TPO: variants seen among roughly 807,000 people sequenced by gnomAD.
TPO encodes the protein thyroid microsomal antigen.
In TPO, 78 loss-of-function variants were observed where a neutral mutation model predicts 96.9. That is an observed-to-expected ratio of 0.81 (90% CI 0.67 to 0.97). The LOEUF (loss-of-function observed/expected upper bound fraction) is 0.97. Ranked by LOEUF, TPO falls within the 50% of genes least tolerant of loss-of-function variation. The probability of loss-of-function intolerance (pLI) is 0.00; values close to 1 mark genes in which losing one functional copy is unlikely to be tolerated. For synonymous variants in TPO, 547 were observed against 538.0 expected (o/e 1.02, Z -0.23); for missense variants, 1,252 against 1,274.8 (o/e 0.98, Z 0.27).
intron 15 of TPO, among the ~76,000 whole-genome samples, chr2:1,523,540 AGCAACCTCCCCAAATCCCCACCACTCTGT>A (rs1558402621): frequency 0.015 from 237 of 15,940 alleles, no homozygotes; most frequent in African/African-American, 0.05. Flanking sequence ...CCCCACTCTG[AGCAACCTCCCCAAATCCCCACCACTCTGT>A]GCAACCTCCC....
intron 7 of TPO, among the ~76,000 whole-genome samples, 159 bp from the exon 8 acceptor site, chr2:1,476,927 G>A (rs956161677): frequency 2.0e-5 from 3 of 152,140 alleles, no homozygotes; most frequent in Non-Finnish European, 2.9e-5. Context: ...AGCAGGCCGG[G>A]GGGGGAGGTG....
intron 3 of TPO, among the ~76,000 whole-genome samples, chr2:1,432,385 A>G (rs1665066662): frequency 6.6e-6 from 1 of 152,234 alleles, no homozygotes; most frequent in African/African-American, 2.4e-5. Context: ...TAGGCAAGCC[A>G]GTTGTGAAAC....
chr2:1,518,015 A>G (rs28913020), intron 15 of TPO, among the ~76,000 whole-genome samples: 66,542 of 151,274 alleles, frequency 0.44, 14,808 homozygotes, highest in Admixed American at 0.47. Flanking sequence ...CCCTGCAGTC[A>G]CCTTCGCCCT....
intron 3 of TPO, among the ~76,000 whole-genome samples, chr2:1,428,155 G>A (rs1273596329): frequency 1.3e-5 from 2 of 152,188 alleles, no homozygotes; most frequent in African/African-American, 4.8e-5. Context: ...GCCTGAAAGT[G>A]TCACCTATTA....
chr2:1,523,855 T>A (rs62107997), intron 15 of TPO, among the ~76,000 whole-genome samples: 45,200 of 83,858 alleles, frequency 0.54, 11,245 homozygotes, highest in Admixed American at 0.59. Flanking sequence ...CAACTGTGTG[T>A]GAGCTCCCCA....
intron 16 of TPO, 173 bp from the exon 17 acceptor site, chr2:1,542,248 C>T (rs1486602942): frequency 2.3e-5 from 20 of 879,718 alleles, no homozygotes; most frequent in South Asian, 3.2e-5. Context: ...AGCATTTGTC[C>T]GGAAGCCAGA....
intron 5 of TPO, among the ~76,000 whole-genome samples, chr2:1,439,604 A>T (rs1665946063): frequency 6.6e-6 from 1 of 152,074 alleles, no homozygotes; most frequent in East Asian, 1.9e-4. Flanking sequence ...CATCTTCCAC[A>T]AAACCTCTCC....
chr2:1,442,950 T>A (rs1372652441), intron 5 of TPO, among the ~76,000 whole-genome samples: 2 of 152,250 alleles, frequency 1.3e-5, no homozygotes, highest in Non-Finnish European at 2.9e-5. Flanking sequence ...ATTGCATTAT[T>A]TCTTGCTGGG....
Position 1,542,405 on chromosome 2 carries a change from T to G in TPO, c.2749-16T>G. ...AGAATTCAGACGTTATTAATGTTTGTTCTGCATTTTTGCAGGAGAGTGCTG... is the reference window on the plus strand; with the variant it reads ...AGAATTCAGACGTTATTAATGTTTGGTCTGCATTTTTGCAGGAGAGTGCTG... On this transcript the variant is annotated splice_polypyrimidine_tract_variant and intron_variant, in intron 16 of 16. Transcript: ENST00000329066. 1.2e-6 allele frequency: 2 copies of G among 1,614,146 alleles called. No homozygotes were observed. The highest frequency in any genetic ancestry group is 1.7e-6 in the Non-Finnish European group (2 of 1,180,012).
At chr2:1,444,428 A>C (rs1450397269) in intron 5 of TPO, among the ~76,000 whole-genome samples, 3 of 146,438 alleles carry the variant, frequency 2.0e-5, no homozygotes, top group Admixed American at 1.4e-4. Context: ...CCATGTTGGA[A>C]GGGAATGGAG....
At chr2:1,542,281 C>G in intron 16 of TPO, 140 bp from the exon 17 acceptor site, 3 of 1,182,296 alleles carry the variant, frequency 2.5e-6, no homozygotes, top group Non-Finnish European at 2.4e-6. Flanking sequence ...GCATGACAAG[C>G]AAGAAGGATG....
intron 3 of TPO, among the ~76,000 whole-genome samples, chr2:1,427,107 T>C (rs765320232): frequency 1.4e-4 from 21 of 152,212 alleles, no homozygotes; most frequent in Non-Finnish European, 2.6e-4. Context: ...GCCAGAGTTT[T>C]AGTGTTTACG....
At chr2:1,433,941 C>G (rs1330982201) in intron 4 of TPO, among the ~76,000 whole-genome samples, 1 of 152,126 alleles carries the variant, frequency 6.6e-6, no homozygotes, top group East Asian at 1.9e-4. Context: ...TTGGCAAGCT[C>G]ATTCATAAAA....
chr2:1,534,662 TA>T (rs1558433607), intron 15 of TPO, among the ~76,000 whole-genome samples: 37 of 130,124 alleles, frequency 2.8e-4, no homozygotes, highest in Non-Finnish European at 4.1e-4. Context: ...TGTCCCCAAA[TA>T]CCCCCCCCAC....
In TPO at chr2:1,453,758, G is replaced by A. The variant is rs752960959; in HGVS notation, c.547G>A (p.Asp183Asn). 12 of 1,613,792 alleles carry A rather than the reference G, an allele frequency of 7.4e-6. No homozygotes were observed. The highest frequency in any genetic ancestry group is 9.3e-6 in the Non-Finnish European group (11 of 1,180,036). ...ACGATGGCTCCCTCCAGTCTATGAG[G>A]ACGGCTTCAGTCAGCCCCGAGGCTG... ...LARWLPPVYE[D>N]GFSQPRGWNP... Residue 183 changes from aspartate (D) to asparagine (N), a missense_variant, in exon 6 of 17, where the codon GAC (aspartate) becomes AAC (asparagine). By Grantham distance (23) the Asp-to-Asn change is conservative (BLOSUM62 1). Transcript: ENST00000329066.
intron 3 of TPO, among the ~76,000 whole-genome samples, chr2:1,424,042 C>T (rs535822436): frequency 7.2e-5 from 11 of 152,198 alleles, no homozygotes; most frequent in African/African-American, 1.7e-4. Flanking sequence ...CAATTTAGAA[C>T]GTTTATTTTA....
chr2:1,486,774 A>G (rs2124843714), intron 9 of TPO, among the ~76,000 whole-genome samples: 1 of 152,068 alleles, frequency 6.6e-6, no homozygotes, highest in African/African-American at 2.4e-5. Context: ...ACCTGTCTCA[A>G]AAGTTGACCG....
At position 1,542,761 on chromosome 2, in the gene TPO, C is replaced by A; in HGVS notation, c.*287C>A. 1.3e-6 allele frequency: 1 copy of A among 767,998 alleles called. No individual in the cohort carries two copies. The highest frequency in any genetic ancestry group is 2.0e-6 in the Non-Finnish European group (1 of 501,286). 47.6% of individuals were successfully genotyped at this position (767,998 alleles called of 1,614,324 possible). On this transcript the variant is annotated 3_prime_UTR_variant, in exon 17 of 17. Coordinates refer to ENST00000329066, the MANE Select transcript of TPO (RefSeq NM_001206744.2). ...TATTTTGTGAACCCTGGAAACACCA[C>A]TCTTGCAATCCTCCTGTCTCCACCT... is the stretch of plus-strand genomic sequence containing the variant.
At chr2:1,381,484 C>G (rs1661811071) in intron 1 of TPO, among the ~76,000 whole-genome samples, 1 of 152,170 alleles carries the variant, frequency 6.6e-6, no homozygotes, top group Non-Finnish European at 1.5e-5. Flanking sequence ...GTGCCAGATA[C>G]TACCTGAGAA....
Sources: allele counts gnomAD v4.1 joint callset (sites outside exome capture counted in the v4.1 genomes callset), GRCh38; gene constraint gnomAD v4.1.1; transcripts MANE v1.5; gene names NCBI Gene and HGNC (gene_info 2026-07-23, HGNC 2026-07-21).